Variants in ULK4 observed in about 807,000 individuals in gnomAD.
ULK4 encodes the protein inactive serine/threonine-protein kinase ULK4.
A neutral mutation model predicts 160.6 loss-of-function variants in ULK4; 133 were observed. The observed-to-expected ratio is 0.83, with a 90% CI of 0.72 to 0.96. ULK4 has a LOEUF of 0.96. ULK4 is among the 40% of genes least tolerant of loss of function. ULK4 has a pLI of 0.00. For missense variants in ULK4, 1,580 were observed against 1,499.5 expected (o/e 1.05, Z -0.89); for synonymous variants, 534 against 539.8 (o/e 0.99, Z 0.15).
At chr3:41,792,406 A>AT (rs138942622) in intron 20 of ULK4, among the ~76,000 whole-genome samples, 65 of 151,882 alleles carry the variant, frequency 4.3e-4, no homozygotes, top group Non-Finnish European at 7.9e-4. Context: ...TAATCCAAGT[A>AT]TTTTTTTTAA....
intron 17 of ULK4, among the ~76,000 whole-genome samples, chr3:41,849,522 G>C (rs1426250447): frequency 6.6e-6 from 1 of 152,212 alleles, no homozygotes; most frequent in Non-Finnish European, 1.5e-5. Flanking sequence ...GAGCACAGGG[G>C]CTTCGTAGGG....
At chr3:41,822,084 G>A (rs560624746) in intron 18 of ULK4, among the ~76,000 whole-genome samples, 1 of 152,110 alleles carries the variant, frequency 6.6e-6, no homozygotes, top group South Asian at 2.1e-4. Context: ...TTATCTTTTT[G>A]GCATGCAAAT....
intron 12 of ULK4, 113 bp downstream of exon 12, chr3:41,907,732 G>A (rs1698622402): frequency 1.7e-6 from 1 of 592,464 alleles, no homozygotes; most frequent in Admixed American, 4.0e-5. Context: ...GATCAGCAAA[G>A]ATGACCTTAT....
intron 34 of ULK4, among the ~76,000 whole-genome samples, chr3:41,408,403 G>A (rs2082339624): frequency 7.0e-6 from 1 of 143,316 alleles, no homozygotes; most frequent in East Asian, 2.0e-4. Flanking sequence ...ACTCCAGCCT[G>A]GGTGACAAAG....
chr3:41,615,248 G>A (rs1020462513), intron 31 of ULK4, among the ~76,000 whole-genome samples: 20 of 152,166 alleles, frequency 1.3e-4, no homozygotes, highest in Non-Finnish European at 2.4e-4. Context: ...ACAACTTTCT[G>A]ACCACAGGCA....
chr3:41,687,357 G>A (rs1343155344), intron 27 of ULK4, among the ~76,000 whole-genome samples: 1 of 150,152 alleles, frequency 6.7e-6, no homozygotes, highest in Non-Finnish European at 1.5e-5. Context: ...TGGCGATGAA[G>A]AGAGACTCCA....
At chr3:41,377,283 C>T (rs908860984) in intron 35 of ULK4, among the ~76,000 whole-genome samples, 8 of 152,206 alleles carry the variant, frequency 5.3e-5, no homozygotes, top group Non-Finnish European at 8.8e-5. Flanking sequence ...AGAAGAAAAC[C>T]TAGGCATTAC....
At position 41,959,190 on chromosome 3, in the gene ULK4, C is replaced by T. The variant is rs575915301; in HGVS notation, c.-49+2826G>A. 3.4e-4 allele frequency among the ~76,000 whole-genome samples: 52 copies of T among 152,238 alleles called. No homozygotes were observed. The South Asian group carries it at 9.7e-3, about 29-fold the overall frequency. Reference sequence around the variant, plus strand: ...ACCATCCTGGCTAACACAGTGAAACCCCATCTCTACTAAAAATACAAAAAA... The same window carrying T: ...ACCATCCTGGCTAACACAGTGAAACTCCATCTCTACTAAAAATACAAAAAA... On this transcript the variant is annotated intron_variant, in intron 1 of 36. Transcript: ENST00000301831.
At chr3:41,283,929 A>G (rs2079411113) in intron 35 of ULK4, among the ~76,000 whole-genome samples, 1 of 152,108 alleles carries the variant, frequency 6.6e-6, no homozygotes, top group African/African-American at 2.4e-5. Context: ...GCGGAGAATC[A>G]AATCAAGAAC....
chr3:41,812,988 G>C (rs2040861708), intron 19 of ULK4, among the ~76,000 whole-genome samples: 1 of 152,138 alleles, frequency 6.6e-6, no homozygotes, highest in African/African-American at 2.4e-5. Context: ...GTCTAGAAAA[G>C]ATTAATTTAT....
intron 21 of ULK4, among the ~76,000 whole-genome samples, chr3:41,772,869 A>T (rs566625041): frequency 1.7e-4 from 26 of 152,330 alleles, no homozygotes; most frequent in Admixed American, 4.6e-4. Flanking sequence ...AAGCTTATCC[A>T]CCATGATCAA....
Position 41,858,483 on chromosome 3 carries a change from T to C in ULK4, c.1657-22512A>G, listed in dbSNP as rs183361951. Among the ~76,000 whole-genome samples the C allele has an allele frequency of 5.5e-3, 828 of 150,762 alleles. 10 individuals are homozygous for C. The highest frequency in any genetic ancestry group is 0.019 in the African/African-American group (769 of 40,902). On this transcript the variant is annotated intron_variant, in intron 17 of 36. Transcript: ENST00000301831. ...AGGTTTTGATATGCTGTATTTACATTATCATTTGTTTCCAGAAATTTTTCA... is the reference window on the plus strand; with the variant it reads ...AGGTTTTGATATGCTGTATTTACATCATCATTTGTTTCCAGAAATTTTTCA...
At chr3:41,474,972 A>G (rs1364879448) in intron 32 of ULK4, among the ~76,000 whole-genome samples, 2 of 152,182 alleles carry the variant, frequency 1.3e-5, no homozygotes, top group East Asian at 3.8e-4. Context: ...CATATGATCC[A>G]GAAATCCCAC....
intron 27 of ULK4, among the ~76,000 whole-genome samples, chr3:41,690,728 C>T (rs2036269168): frequency 1.3e-5 from 2 of 151,878 alleles, no homozygotes; most frequent in South Asian, 4.1e-4. Flanking sequence ...AAGAGAAGCT[C>T]AATACAGACC....
Position 41,775,312 on chromosome 3 carries a change from T to C in ULK4, c.2193+14349A>G, listed in dbSNP as rs1189982905. Reference sequence around the variant, plus strand: ...AGACAAAAAGTGTATCTTTAAACCATTCAGTAAACAAAATTTACAGTATTA... The same window carrying C: ...AGACAAAAAGTGTATCTTTAAACCACTCAGTAAACAAAATTTACAGTATTA... On this transcript the variant is annotated intron_variant, in intron 21 of 36. Transcript: ENST00000301831. Among the ~76,000 whole-genome samples, 3 of 150,654 alleles carry C rather than the reference T, an allele frequency of 2.0e-5. 1 individual carries two copies. The highest frequency in any genetic ancestry group is 7.5e-5 in the African/African-American group (3 of 40,118).
intron 5 of ULK4, among the ~76,000 whole-genome samples, chr3:41,928,565 G>GA (rs1553688255): frequency 7.0e-6 from 1 of 142,022 alleles, no homozygotes; most frequent in African/African-American, 2.5e-5. Context: ...TCTAGGAGCT[G>GA]TTTTTTTTTA....
chr3:41,873,882 T>TG (rs1374401915), intron 17 of ULK4, among the ~76,000 whole-genome samples: 1 of 145,766 alleles, frequency 6.9e-6, no homozygotes, highest in African/African-American at 2.5e-5. Flanking sequence ...GTTTTTTTTG[T>TG]TTTTTTTTTT....
At chr3:41,493,366 T>A (rs1201961181) in intron 32 of ULK4, among the ~76,000 whole-genome samples, 1 of 144,000 alleles carries the variant, frequency 6.9e-6, no homozygotes, top group Non-Finnish European at 1.5e-5. Flanking sequence ...AATAAAGATG[T>A]TCTTTGAAAC....
At chr3:41,836,549 TA>T (rs2041762931) in intron 17 of ULK4, among the ~76,000 whole-genome samples, 1 of 151,996 alleles carries the variant, frequency 6.6e-6, no homozygotes, top group East Asian at 1.9e-4. Context: ...CTTTAAAGAG[TA>T]AATAGAGGCT....
Sources: allele counts gnomAD v4.1 joint callset (sites outside exome capture counted in the v4.1 genomes callset), GRCh38; gene constraint gnomAD v4.1.1; transcripts MANE v1.5; gene names NCBI Gene and HGNC (gene_info 2026-07-23, HGNC 2026-07-21).